The following HDAC9 variants were observed in gnomAD, a reference collection of about 807,000 sequenced individuals.
HDAC9 encodes histone deacetylase 9, also known as MEF-2 interacting transcription repressor (MITR) protein.
Under a neutral mutation model 139.4 loss-of-function variants are expected in HDAC9, and 41 were observed. The ratio of observed to expected loss-of-function variants is 0.29; its 90% confidence interval spans 0.23 to 0.38. HDAC9 has a LOEUF of 0.38. HDAC9 is among the 10% of genes least tolerant of loss of function. HDAC9 has a pLI of 1.00. For synonymous variants in HDAC9, 517 were observed against 476.2 expected (o/e 1.09, Z -1.12); for missense variants, 1,147 against 1,297.0 (o/e 0.88, Z 1.78).
At chr7:18,745,767 C>T (rs192594172) in intron 13 of HDAC9, among the ~76,000 whole-genome samples, 196 of 151,420 alleles carry the variant, frequency 1.3e-3, no homozygotes, top group African/African-American at 4.4e-3. Flanking sequence ...AGGTTGGTCT[C>T]GATCTGCTGA....
At chr7:18,459,222 C>T (rs922321200) in intron 1 of HDAC9, among the ~76,000 whole-genome samples, 5 of 152,092 alleles carry the variant, frequency 3.3e-5, no homozygotes, top group Non-Finnish European at 5.9e-5. Flanking sequence ...TCTCCTTAGC[C>T]ACAACTGCCT....
chr7:18,875,813 C>T (rs1029994100), intron 22 of HDAC9, among the ~76,000 whole-genome samples: 1 of 152,088 alleles, frequency 6.6e-6, no homozygotes, highest in Non-Finnish European at 1.5e-5. Flanking sequence ...GCAGATAAAC[C>T]TCACTTGTGG....
chr7:18,101,382 A>G (rs1009112809), intron 1 of HDAC9, among the ~76,000 whole-genome samples: 1 of 152,156 alleles, frequency 6.6e-6, no homozygotes, highest in African/African-American at 2.4e-5. Context: ...TCTGTTTGTC[A>G]AGGATTATTG....
intron 2 of HDAC9, among the ~76,000 whole-genome samples, chr7:18,232,583 A>T (rs767013882): frequency 6.6e-6 from 1 of 152,142 alleles, no homozygotes; most frequent in Non-Finnish European, 1.5e-5. Context: ...CTAGGTTTCA[A>T]TGTCCCTAGA....
In HDAC9 at chr7:18,179,593, C is replaced by T. The variant is rs540390908; in HGVS notation, c.25+17244C>T. ...CCCTCTCCTAAGGAAAAATGGTGTT[C>T]ACACTCATTGGGTCTAAATAAACCC... is the stretch of plus-strand genomic sequence containing the variant. On this transcript the variant is annotated intron_variant, in intron 2 of 12. Transcript: ENST00000417496. 2.6e-5 allele frequency among the ~76,000 whole-genome samples: 4 copies of T among 152,204 alleles called. No homozygotes were observed. In the South Asian group the frequency reaches 8.3e-4, roughly 32 times the overall value.
At chr7:18,527,550 A>G (rs927519404) in intron 2 of HDAC9, among the ~76,000 whole-genome samples, 4 of 152,152 alleles carry the variant, frequency 2.6e-5, no homozygotes, top group Admixed American at 6.6e-5. Flanking sequence ...TTTTGGTTTT[A>G]TCTAAATTAG....
chr7:18,154,148 T>C (rs571059177), intron 1 of HDAC9, among the ~76,000 whole-genome samples: 5 of 152,236 alleles, frequency 3.3e-5, no homozygotes, highest in Non-Finnish European at 5.9e-5. Context: ...GTTTCTAACT[T>C]ACAGTTTTTT....
intron 1 of HDAC9, among the ~76,000 whole-genome samples, chr7:18,302,932 G>C (rs1228029655): frequency 6.6e-6 from 1 of 151,936 alleles, no homozygotes; most frequent in Non-Finnish European, 1.5e-5. Context: ...AATCATCTCA[G>C]TTAAGTAACT....
chr7:18,375,426 G>A (rs757842121), intron 1 of HDAC9, among the ~76,000 whole-genome samples: 2 of 152,016 alleles, frequency 1.3e-5, no homozygotes, highest in South Asian at 2.1e-4. Context: ...CCGAGATCAC[G>A]CCACTGCGCT....
chr7:18,769,571 T>C (rs2129162956), intron 16 of HDAC9, among the ~76,000 whole-genome samples: 1 of 149,832 alleles, frequency 6.7e-6, no homozygotes, highest in South Asian at 2.1e-4. Context: ...TGTGTGTGTG[T>C]GCAAGTTTGC....
chr7:18,160,269 A>T (rs1787534443), intron 1 of HDAC9, among the ~76,000 whole-genome samples: 1 of 152,186 alleles, frequency 6.6e-6, no homozygotes, highest in Non-Finnish European at 1.5e-5. Context: ...GTTATTCTTA[A>T]TTTAAAATCA....
chr7:18,483,729 A>G (rs533622921), intron 1 of HDAC9, among the ~76,000 whole-genome samples: 2 of 152,258 alleles, frequency 1.3e-5, no homozygotes, highest in South Asian at 4.1e-4. Flanking sequence ...TTTTTCATTT[A>G]TCTCAAATTT....
intron 22 of HDAC9, among the ~76,000 whole-genome samples, chr7:18,917,894 C>G (rs1164648466): frequency 2.0e-5 from 3 of 151,842 alleles, no homozygotes; most frequent in Non-Finnish European, 4.4e-5. Context: ...ACAATAACGG[C>G]ATATTGGGGC....
chr7:18,544,961 A>C (rs539204992), intron 2 of HDAC9, among the ~76,000 whole-genome samples: 1 of 152,300 alleles, frequency 6.6e-6, no homozygotes, highest in South Asian at 2.1e-4. Context: ...TTGGTTGTCA[A>C]AACTGAGCGG....
chr7:18,384,503 T>G (rs1785732978), intron 1 of HDAC9, among the ~76,000 whole-genome samples: 1 of 152,208 alleles, frequency 6.6e-6, no homozygotes, highest in Non-Finnish European at 1.5e-5. Context: ...CATTGGAAAC[T>G]AATATTTTTC....
rs62449115 is a variant in HDAC9 at position 18,236,417 on chromosome 7, A to G, written c.25+74068A>G. 5.4e-3 allele frequency among the ~76,000 whole-genome samples: 825 copies of G among 152,316 alleles called. 5 individuals are homozygous for G. Among genetic ancestry groups the G allele is most frequent in the Admixed American group, 0.011 (171 of 15,296 alleles). ...GGCATGAGTGTCTTATTCCAAGTTG[A>G]CAGAGTTTAAATCAGAAGTAACTGA... On this transcript the variant is annotated intron_variant, in intron 2 of 12. Transcript: ENST00000417496.
At chr7:18,950,478 TAGCTATGGTG>T (rs1158485824) in intron 23 of HDAC9, among the ~76,000 whole-genome samples, 3 of 152,086 alleles carry the variant, frequency 2.0e-5, no homozygotes, top group African/African-American at 7.2e-5. Flanking sequence ...TTTGTCTTGT[TAGCTATGGTG>T]AGCAGAATAA....
At chr7:18,816,507 G>T (rs1219046004) in intron 17 of HDAC9, among the ~76,000 whole-genome samples, 1 of 152,154 alleles carries the variant, frequency 6.6e-6, no homozygotes, top group Non-Finnish European at 1.5e-5. Context: ...TATTTAACAG[G>T]ATATTAACTG....
At chr7:18,347,756 C>A (rs1782533132) in intron 1 of HDAC9, among the ~76,000 whole-genome samples, 1 of 151,882 alleles carries the variant, frequency 6.6e-6, no homozygotes, top group South Asian at 2.1e-4. Flanking sequence ...TGCCACCACG[C>A]CCGGCTAATT....
Sources: allele counts gnomAD v4.1 joint callset (sites outside exome capture counted in the v4.1 genomes callset), GRCh38; gene constraint gnomAD v4.1.1; transcripts MANE v1.5; gene names NCBI Gene and HGNC (gene_info 2026-07-23, HGNC 2026-07-21).